The following CDKAL1 variants were observed in gnomAD, a reference collection of about 807,000 sequenced individuals.
CDKAL1 encodes the protein CDKAL1 threonylcarbamoyladenosine tRNA methylthiotransferase.
In CDKAL1, 32 loss-of-function variants were observed where a neutral mutation model predicts 68.2. The ratio of observed to expected loss-of-function variants is 0.47; its 90% CI spans 0.35 to 0.63. The LOEUF is 0.63. CDKAL1 is among the 30% of genes least tolerant of loss of function. CDKAL1 has a pLI of 0.00. For synonymous variants in CDKAL1, 234 were observed against 244.3 expected (o/e 0.96, Z 0.39); for missense variants, 606 against 696.7 (o/e 0.87, Z 1.47).
chr6:20,922,715 A>G (rs1763013675), intron 9 of CDKAL1, among the ~76,000 whole-genome samples: 1 of 152,210 alleles, frequency 6.6e-6, no homozygotes. Context: ...GAGAACAGAG[A>G]CATAGAAGTT....
At chr6:20,598,835 AC>A (rs1765955321) in intron 4 of CDKAL1, among the ~76,000 whole-genome samples, 1 of 152,150 alleles carries the variant, frequency 6.6e-6, no homozygotes, top group Non-Finnish European at 1.5e-5. Flanking sequence ...TTTGTATGTA[AC>A]AAAAAAACTT....
chr6:21,022,126 A>G (rs1178074131), intron 11 of CDKAL1, among the ~76,000 whole-genome samples: 3 of 152,230 alleles, frequency 2.0e-5, no homozygotes, highest in African/African-American at 7.2e-5. Flanking sequence ...TAGCAAAGCT[A>G]CAAGGATTTG....
intron 4 of CDKAL1, among the ~76,000 whole-genome samples, chr6:20,619,401 G>C (rs1767075604): frequency 6.6e-6 from 1 of 152,132 alleles, no homozygotes. Flanking sequence ...AAATAACTAT[G>C]TGAGGTAATG....
intron 15 of CDKAL1, among the ~76,000 whole-genome samples, chr6:21,227,674 A>G (rs1425498587): frequency 1.5e-5 from 2 of 131,540 alleles, no homozygotes; most frequent in Non-Finnish European, 3.2e-5. Flanking sequence ...CACAGGAGGA[A>G]AGCTCAGCAC....
At chr6:21,092,001 C>T (rs1773046771) in intron 12 of CDKAL1, among the ~76,000 whole-genome samples, 1 of 150,242 alleles carries the variant, frequency 6.7e-6, no homozygotes, top group Non-Finnish European at 1.5e-5. Context: ...ATTCTCCTGC[C>T]TCAGCCTCCC....
At chr6:20,722,869 C>T (rs1208244029) in intron 5 of CDKAL1, among the ~76,000 whole-genome samples, 2 of 152,142 alleles carry the variant, frequency 1.3e-5, no homozygotes, top group East Asian at 3.9e-4. Flanking sequence ...GACAGCCAGC[C>T]TGACATCGGG....
At chr6:20,734,003 G>A (rs1773071876) in intron 5 of CDKAL1, among the ~76,000 whole-genome samples, 1 of 151,874 alleles carries the variant, frequency 6.6e-6, no homozygotes, top group African/African-American at 2.4e-5. Flanking sequence ...ACAAAAATTT[G>A]CCAGGTGTGG....
chr6:20,837,422 C>T (rs906734450), intron 8 of CDKAL1, among the ~76,000 whole-genome samples: 2 of 152,116 alleles, frequency 1.3e-5, no homozygotes, highest in Non-Finnish European at 2.9e-5. Flanking sequence ...TGAGATTTCA[C>T]CTCAGCAGAC....
chr6:20,658,357 G>A (rs1315113564), intron 5 of CDKAL1, among the ~76,000 whole-genome samples: 4 of 152,184 alleles, frequency 2.6e-5, no homozygotes, highest in South Asian at 2.1e-4. Flanking sequence ...AAATGGTAAT[G>A]TCGAAGGGAT....
intron 8 of CDKAL1, among the ~76,000 whole-genome samples, chr6:20,845,611 T>C (rs1416524409): frequency 6.6e-6 from 1 of 152,152 alleles, no homozygotes; most frequent in Non-Finnish European, 1.5e-5. Flanking sequence ...GAATGCTATA[T>C]TATCTACTTA....
chr6:21,079,144 G>C (rs917845729), intron 12 of CDKAL1, among the ~76,000 whole-genome samples: 1 of 152,134 alleles, frequency 6.6e-6, no homozygotes, highest in Non-Finnish European at 1.5e-5. Flanking sequence ...CCATTGGGGC[G>C]GTGAGATATA....
intron 8 of CDKAL1, among the ~76,000 whole-genome samples, chr6:20,817,853 C>T (rs1473934783): frequency 6.6e-6 from 1 of 151,960 alleles, no homozygotes; most frequent in Non-Finnish European, 1.5e-5. Flanking sequence ...GAACTTTTAT[C>T]ATAGGGTGTT....
intron 15 of CDKAL1, among the ~76,000 whole-genome samples, chr6:21,227,410 ACT>A (rs1252028708): frequency 2.0e-5 from 3 of 152,094 alleles, no homozygotes; most frequent in South Asian, 4.2e-4. Flanking sequence ...ATTATTAATT[ACT>A]CTGTCATCTG....
At chr6:21,125,281 C>T (rs1168621401) in intron 13 of CDKAL1, among the ~76,000 whole-genome samples, 5 of 152,272 alleles carry the variant, frequency 3.3e-5, no homozygotes, top group South Asian at 4.1e-4. Flanking sequence ...TCCTTCCTAG[C>T]GTCATGTGAA....
chr6:21,226,003 G>A (rs1407402082), intron 15 of CDKAL1, among the ~76,000 whole-genome samples: 1 of 152,178 alleles, frequency 6.6e-6, no homozygotes, highest in Non-Finnish European at 1.5e-5. Context: ...TACAGGTGAG[G>A]AAATGGAGGC....
chr6:21,052,067 A>T (rs1770569619), intron 11 of CDKAL1, among the ~76,000 whole-genome samples: 6 of 152,176 alleles, frequency 3.9e-5, no homozygotes. Flanking sequence ...TAAATGTTTT[A>T]GTGTTTTTTC....
intron 4 of CDKAL1, among the ~76,000 whole-genome samples, chr6:20,622,753 T>C (rs1045421224): frequency 1.3e-5 from 2 of 152,052 alleles, no homozygotes; most frequent in African/African-American, 4.8e-5. Context: ...CTTTGACCAA[T>C]ATTTTCTTTC....
intron 5 of CDKAL1, among the ~76,000 whole-genome samples, chr6:20,720,795 G>A (rs1433481544): frequency 6.6e-6 from 1 of 152,164 alleles, no homozygotes; most frequent in Non-Finnish European, 1.5e-5. Context: ...CCTCGCACTG[G>A]CCTCTATTCT....
intron 4 of CDKAL1, among the ~76,000 whole-genome samples, chr6:20,628,275 G>C (rs973769625): frequency 1.8e-4 from 27 of 152,016 alleles, no homozygotes; most frequent in African/African-American, 6.3e-4. Flanking sequence ...ATCTTGTCTA[G>C]TTCTAGTTTT....
Sources: gnomAD v4.1 joint callset for allele counts (sites outside exome capture counted in the v4.1 genomes callset) on GRCh38, gnomAD v4.1.1 for gene constraint, MANE v1.5 for transcripts, NCBI Gene and HGNC (gene_info 2026-07-23, HGNC 2026-07-21) for gene names.